The following PTPN12 variants were observed in gnomAD, a reference collection of about 807,000 sequenced individuals.
The protein encoded by PTPN12 is tyrosine-protein phosphatase non-receptor type 12.
PTPN12 carries 29 observed loss-of-function variants against 97.6 expected under a neutral mutation model. The ratio of observed to expected loss-of-function variants is 0.30; its 90% CI spans 0.22 to 0.41. The LOEUF (loss-of-function observed/expected upper bound fraction) is 0.41. Ranked by LOEUF, PTPN12 falls within the 10% of genes least tolerant of loss-of-function variation. The pLI is 1.00. For synonymous variants in PTPN12, 327 were observed against 300.4 expected (o/e 1.09, Z -0.91); for missense variants, 819 against 926.0 (o/e 0.88, Z 1.50).
intron 4 of PTPN12, among the ~76,000 whole-genome samples, chr7:77,584,594 T>C (rs562223537): frequency 6.6e-6 from 1 of 152,226 alleles, no homozygotes; most frequent in East Asian, 1.9e-4. Flanking sequence ...ATGTTCTAGA[T>C]TGGCCGCGTG....
chr7:77,630,866 CAA>C (rs1789374464), intron 13 of PTPN12, among the ~76,000 whole-genome samples: 1 of 152,122 alleles, frequency 6.6e-6, no homozygotes, highest in Non-Finnish European at 1.5e-5. Context: ...ACCTCTAAAA[CAA>C]AAGTTTTTAA....
intron 1 of PTPN12, among the ~76,000 whole-genome samples, chr7:77,540,219 A>ATTTCTTTCTTTC (rs757480258): frequency 8.1e-5 from 12 of 149,040 alleles, no homozygotes; most frequent in African/African-American, 2.7e-4. Flanking sequence ...TGGAGAGTTC[A>ATTTCTTTCTTTC]TTTCTTTCTT....
At chr7:77,636,321 G>A (rs1789588823) in intron 15 of PTPN12, among the ~76,000 whole-genome samples, 1 of 151,970 alleles carries the variant, frequency 6.6e-6, no homozygotes, top group African/African-American at 2.4e-5. Flanking sequence ...GGTGGCTCAT[G>A]TCTGTAATCA....
intron 14 of PTPN12, among the ~76,000 whole-genome samples, chr7:77,634,764 G>T (rs955189854): frequency 3.3e-5 from 5 of 151,670 alleles, no homozygotes; most frequent in Non-Finnish European, 5.9e-5. Context: ...TTTTTTAGTA[G>T]AGACAGGGTT....
chr7:77,573,919 T>G (rs918434190), intron 2 of PTPN12, among the ~76,000 whole-genome samples: 1 of 152,124 alleles, frequency 6.6e-6, no homozygotes, highest in African/African-American at 2.4e-5. Flanking sequence ...CGCTGCCACA[T>G]CCGGCTAATT....
At chr7:77,579,822 A>G (rs1185227728) in intron 2 of PTPN12, among the ~76,000 whole-genome samples, 1 of 152,222 alleles carries the variant, frequency 6.6e-6, no homozygotes, top group Admixed American at 6.5e-5. Context: ...AAAGAAGTAC[A>G]CAGAACCAAT....
intron 1 of PTPN12, among the ~76,000 whole-genome samples, chr7:77,547,805 G>C (rs1354026763): frequency 6.6e-6 from 1 of 152,152 alleles, no homozygotes; most frequent in East Asian, 1.9e-4. Flanking sequence ...GTGAGTAAAA[G>C]GCAACAACAC....
chr7:77,639,101 T>C (rs1279326690), intron 17 of PTPN12, 118 bp from the exon 18 acceptor site: 3 of 840,822 alleles, frequency 3.6e-6, no homozygotes, highest in African/African-American at 3.5e-5. Context: ...GCTTAAATTC[T>C]AAATTCCCTT....
Position 77,635,820 on chromosome 7 carries a change from C to A in PTPN12, c.2113C>A (p.Gln705Lys). The A allele has an allele frequency of 6.2e-7, 1 of 1,607,640 alleles. No homozygotes were observed. Among genetic ancestry groups the A allele is most frequent in the South Asian group, 1.1e-5 (1 of 89,574 alleles). ...ATCGGAATGGAGTGAACTTCAAAGT[C>A]AGGAACGATCTGAACAAAAAAAGTC... Reference protein sequence around the residue: ...VRSEWSELQSQERSEQKKSEG... With the variant: ...VRSEWSELQSKERSEQKKSEG... Residue 705 changes from glutamine (Q) to lysine (K), a missense_variant, in exon 15 of 18, where the codon CAG becomes AAG. By Grantham distance (53) the Gln-to-Lys change is moderately conservative. Around this residue, in one of 5 missense-constraint regions of PTPN12, gnomAD observed 607 missense variants for 577.3 expected, o/e 1.05. Transcript: ENST00000248594.
At chr7:77,574,692 C>T (rs921015683) in intron 2 of PTPN12, among the ~76,000 whole-genome samples, 4 of 152,204 alleles carry the variant, frequency 2.6e-5, no homozygotes, top group African/African-American at 9.6e-5. Context: ...ATATGAGTGT[C>T]AGCGTTGAGA....
At chr7:77,592,364 TCA>T in intron 6 of PTPN12, 108 bp downstream of exon 6, 1 of 923,978 alleles carries the variant, frequency 1.1e-6, no homozygotes, top group South Asian at 1.8e-5. Context: ...CGCCAAGGAC[TCA>T]CAAACCTATG....
intron 7 of PTPN12, among the ~76,000 whole-genome samples, chr7:77,598,262 G>C (rs539361538): frequency 6.6e-6 from 1 of 152,004 alleles, no homozygotes; most frequent in African/African-American, 2.4e-5. Context: ...AGAGGGAGGG[G>C]AGCGTGGGCT....
chr7:77,586,289 A>G (rs1787688522), intron 5 of PTPN12, among the ~76,000 whole-genome samples: 3 of 152,198 alleles, frequency 2.0e-5, no homozygotes, highest in South Asian at 4.1e-4. Flanking sequence ...TTATTGCTAA[A>G]AAATGTTAAT....
chr7:77,541,594 A>G (rs1180893120), intron 1 of PTPN12, among the ~76,000 whole-genome samples: 1 of 152,176 alleles, frequency 6.6e-6, no homozygotes, highest in Non-Finnish European at 1.5e-5. Context: ...AAACTTGAAA[A>G]AGTTTTGTCA....
chr7:77,553,313 A>T (rs995327081), intron 1 of PTPN12, among the ~76,000 whole-genome samples: 1 of 152,184 alleles, frequency 6.6e-6, no homozygotes, highest in Non-Finnish European at 1.5e-5. Flanking sequence ...CAGTTGATTG[A>T]TGATGCTGTT....
At chr7:77,623,769 A>G (rs1789030177) in intron 12 of PTPN12, among the ~76,000 whole-genome samples, 1 of 152,218 alleles carries the variant, frequency 6.6e-6, no homozygotes, top group Non-Finnish European at 1.5e-5. Flanking sequence ...CACCATGTAC[A>G]CGTAGGGAAA....
At chr7:77,625,910 A>G (rs1036755735) in intron 12 of PTPN12, among the ~76,000 whole-genome samples, 2 of 152,080 alleles carry the variant, frequency 1.3e-5, no homozygotes, top group Non-Finnish European at 2.9e-5. Context: ...ACTAGAGGGT[A>G]TAACCCACCC....
chr7:77,606,436 A>T (rs1788375871), intron 8 of PTPN12, among the ~76,000 whole-genome samples: 1 of 152,022 alleles, frequency 6.6e-6, no homozygotes, highest in Non-Finnish European at 1.5e-5. Flanking sequence ...ACACTCTGTT[A>T]CCCAGGCTGG....
At chr7:77,633,963 C>T (rs1402217274) in intron 14 of PTPN12, among the ~76,000 whole-genome samples, 1 of 151,594 alleles carries the variant, frequency 6.6e-6, no homozygotes, top group Non-Finnish European at 1.5e-5. Context: ...GCAGAGGTTG[C>T]AGCGAGCTGA....
Sources: allele counts gnomAD v4.1 joint callset (sites outside exome capture counted in the v4.1 genomes callset), GRCh38; gene constraint gnomAD v4.1.1; regional missense constraint gnomAD v4.1.1; transcripts MANE v1.5; gene names NCBI Gene and HGNC (gene_info 2026-07-23, HGNC 2026-07-21).